The following KANK1 variants were observed in gnomAD, a reference collection of about 807,000 sequenced individuals.
KANK1 encodes KN motif and ankyrin repeat domain-containing protein 1.
KANK1 carries 109 observed loss-of-function variants against 106.2 expected under a neutral mutation model. That is an observed-to-expected ratio of 1.03 (90% CI 0.88 to 1.20). The LOEUF (loss-of-function observed/expected upper bound fraction) is 1.20. KANK1 is among the 50% of genes most tolerant of loss of function. KANK1 has a pLI of 0.00. For synonymous variants in KANK1, 873 were observed against 652.2 expected (o/e 1.34, Z -5.16); for missense variants, 2,399 against 1,710.7 (o/e 1.40, Z -7.10).
chr9:664,280 A>G (rs1206377183), intron 1 of KANK1, among the ~76,000 whole-genome samples: 1 of 151,998 alleles, frequency 6.6e-6, no homozygotes, highest in African/African-American at 2.4e-5. Flanking sequence ...TCCTCATGAG[A>G]TTCAGTTTTG....
At chr9:654,826 A>T (rs989873268) in intron 1 of KANK1, among the ~76,000 whole-genome samples, 11 of 43,742 alleles carry the variant, frequency 2.5e-4, no homozygotes, top group African/African-American at 4.7e-4. Flanking sequence ...AGAGAGAGAG[A>T]GAGAGAGAGA....
intron 7 of KANK1, among the ~76,000 whole-genome samples, chr9:735,192 A>G (rs1833440142): frequency 6.6e-6 from 1 of 152,212 alleles, no homozygotes; most frequent in South Asian, 2.1e-4. Flanking sequence ...GCAGCATCCA[A>G]GAATTTTTTT....
At chr9:628,426 A>G (rs10975478) in intron 1 of KANK1, among the ~76,000 whole-genome samples, 1 of 152,124 alleles carries the variant, frequency 6.6e-6, no homozygotes, top group Non-Finnish European at 1.5e-5. Flanking sequence ...TCCTGTATTT[A>G]TATTCACAGA....
At chr9:540,052 T>C (rs1382822009) in intron 1 of KANK1, among the ~76,000 whole-genome samples, 1 of 152,234 alleles carries the variant, frequency 6.6e-6, no homozygotes, top group Admixed American at 6.5e-5. Context: ...TAGCTCTGGC[T>C]AAAACTTCTA....
intron 1 of KANK1, among the ~76,000 whole-genome samples, chr9:584,475 A>G (rs1027367089): frequency 6.6e-6 from 1 of 152,236 alleles, no homozygotes; most frequent in Non-Finnish European, 1.5e-5. Context: ...AGCATAAATT[A>G]CATAGGTTAT....
Position 732,561 on chromosome 9 carries a change from G to A in KANK1, c.3189G>A (p.Val1063=). The A allele has an allele frequency of 3.1e-6, 5 of 1,614,148 alleles. No homozygotes were observed. Among genetic ancestry groups the A allele is most frequent in the Non-Finnish European group, 4.2e-6 (5 of 1,180,026 alleles). Residue 1063 remains valine (V), a synonymous_variant, in exon 6 of 12, where the codon GTG becomes GTA. Coordinates refer to ENST00000382297, the MANE Select transcript of KANK1 (RefSeq NM_015158.5). ...TTGAAGGTTTGAAGTCTGCCAGGGT[G>A]GAAGATGAAATGCAGGTTCAAGAAT... ...VNIEGLKSAR[V]EDEMQVQECE...
chr9:489,300 G>A (rs1384832388), intron 3 of KANK1, among the ~76,000 whole-genome samples: 1 of 152,010 alleles, frequency 6.6e-6, no homozygotes, highest in Non-Finnish European at 1.5e-5. Context: ...AAGTGCTCCT[G>A]GCTAATTAAT....
rs371368584 is a variant in KANK1 at position 710,242 on chromosome 9, C to T, written c.38-562C>T. On this transcript the variant is annotated intron_variant, in intron 2 of 11. Coordinates refer to ENST00000382297, the MANE Select transcript of KANK1 (RefSeq NM_015158.5). ...AAATAATACAATCATTATCTCATTA[C>T]ATTGTTTTTAAGCCTGTGAGTTAAA... 9.8e-5 allele frequency among the ~76,000 whole-genome samples: 15 copies of T among 152,298 alleles called. No individual in the cohort carries two copies. In the East Asian group the frequency reaches 2.5e-3, roughly 25 times the overall value.
chr9:710,615 C>CAAA lies in KANK1; in HGVS notation c.38-177_38-175dup, dbSNP rs1222306010. 1.5e-3 allele frequency among the ~76,000 whole-genome samples: 53 copies of CAAA among 36,014 alleles called. 4 individuals carry two copies. The highest frequency in any genetic ancestry group is 6.0e-3 in the East Asian group (10 of 1,666). 23.6% of individuals were successfully genotyped at this position (36,014 alleles called of 152,430 possible). ...GCCTGGGTGACAGAATGACCTGTCT[C>CAAA]AAAAAAAAAAAAAACAAAAAAAAAC... is the stretch of plus-strand genomic sequence containing the variant. On this transcript the variant is annotated intron_variant, in intron 2 of 11. Coordinates refer to ENST00000382297, the MANE Select transcript of KANK1 (RefSeq NM_015158.5).
At chr9:560,306 G>A (rs893575119) in intron 1 of KANK1, among the ~76,000 whole-genome samples, 2 of 152,204 alleles carry the variant, frequency 1.3e-5, no homozygotes, top group African/African-American at 2.4e-5. Context: ...AGTTGGAAAA[G>A]CATGGGCTTG....
In KANK1 at chr9:742,301, G is replaced by A. The variant is rs1564139983; in HGVS notation, c.3793G>A (p.Asp1265Asn). The change falls in exon 10 of 12, where the codon GAC becomes AAC. Residue 1265 changes from aspartate to asparagine, a missense_variant. Physicochemically the swap from Asp to Asn is conservative, Grantham distance 23 (BLOSUM62 1). Transcript: ENST00000382297. ...TGGGGCTGATGTCAACATCCAGGATGACGAGGGCTCCACGGCCCTCATGTG... is the reference window on the plus strand; with the variant it reads ...TGGGGCTGATGTCAACATCCAGGATAACGAGGGCTCCACGGCCCTCATGTG... ...ACGADVNIQD[D>N]EGSTALMCAS... is the part of the protein sequence containing the mutation. 1 of 1,614,126 alleles carries A rather than the reference G, an allele frequency of 6.2e-7. No individual in the cohort carries two copies. The highest frequency in any genetic ancestry group is 8.5e-7 in the Non-Finnish European group (1 of 1,179,978).
At chr9:495,491 C>G (rs2058443828) in intron 3 of KANK1, 1 of 151,908 alleles carries the variant, frequency 6.6e-6, no homozygotes, top group Non-Finnish European at 1.5e-5. Flanking sequence ...ACCTTCCTGA[C>G]AAAGTGTTGA....
Position 744,491 on chromosome 9 carries a change from G to A in KANK1, c.3898G>A (p.Asp1300Asn). 6.2e-7 allele frequency: 1 copy of A among 1,611,578 alleles called. No individual in the cohort carries two copies. The highest frequency in any genetic ancestry group is 8.5e-7 in the Non-Finnish European group (1 of 1,178,206). The part of the protein sequence containing the change: ...PGCNGHLEDN[D>N]GSTALSIALE... ...CTTGTTCTTTCCATCTTATCTTAAG[G>A]ATGGCAGCACTGCGCTCTCAATCGC... Residue 1300 changes from aspartate to asparagine, a missense_variant and splice_region_variant, in exon 11 of 12, where the codon GAT (aspartate) becomes AAT (asparagine). Asp to Asn is a conservative substitution (Grantham distance 23). Transcript: ENST00000382297.
At chr9:655,925 C>T (rs1317591799) in intron 1 of KANK1, among the ~76,000 whole-genome samples, 1 of 152,210 alleles carries the variant, frequency 6.6e-6, no homozygotes, top group South Asian at 2.1e-4. Context: ...CCCTTTGTAA[C>T]TGAGTCCCAG....
rs1011702379 is a variant in KANK1, at chr9:643,997, C to A, written c.-83-32893C>A. ...GGATTACAGGCGTGAGCTGCCACGC[C>A]TGGCCTTGATTTGTTTTTGCATGTG... On this transcript the variant is annotated intron_variant, in intron 1 of 11. Transcript: ENST00000382297. Among the ~76,000 whole-genome samples the A allele has an allele frequency of 4.0e-5, 6 of 151,020 alleles. 1 individual carries two copies. Among genetic ancestry groups the A allele is most frequent in the Admixed American group, 3.9e-4 (6 of 15,254 alleles).
intron 3 of KANK1, among the ~76,000 whole-genome samples, chr9:490,836 A>G (rs1470436419): frequency 1.3e-5 from 2 of 152,162 alleles, no homozygotes; most frequent in East Asian, 1.9e-4. Flanking sequence ...TGGAGCTTAT[A>G]TTCTGACACA....
chr9:498,893 G>A lies in KANK1; in HGVS notation c.-362+25620G>A, dbSNP rs183231491. Among the ~76,000 whole-genome samples the A allele has an allele frequency of 2.9e-3, 443 of 152,262 alleles. 4 individuals are homozygous for A. Among genetic ancestry groups the A allele is most frequent in the African/African-American group, 0.01 (425 of 41,540 alleles). On this transcript the variant is annotated intron_variant, in intron 3 of 15. Coordinates refer to the KANK1 transcript ENST00000382303. ...AGTTCCTCAAAAAGTTGAACATGGA[G>A]TTGGCTGGGCGAGGTGGCTCACGCC...
chr9:475,458 C>A (rs1406566520), intron 3 of KANK1, among the ~76,000 whole-genome samples: 1 of 152,186 alleles, frequency 6.6e-6, no homozygotes, highest in Non-Finnish European at 1.5e-5. Flanking sequence ...TCCAAATATA[C>A]TCTACTTCCT....
chr9:527,906 C>T (rs2059870083), intron 1 of KANK1, among the ~76,000 whole-genome samples: 1 of 151,474 alleles, frequency 6.6e-6, no homozygotes, highest in African/African-American at 2.4e-5. Flanking sequence ...CACAGCACTC[C>T]TGATCACAAG....
Sources: gnomAD v4.1 joint callset for allele counts (sites outside exome capture counted in the v4.1 genomes callset) on GRCh38, gnomAD v4.1.1 for gene constraint, MANE v1.5 for transcripts, NCBI Gene and HGNC (gene_info 2026-07-23, HGNC 2026-07-21) for gene names.